Variants in TRPC5 observed in about 807,000 individuals in gnomAD.
TRPC5 encodes short transient receptor potential channel 5.
A neutral mutation model predicts 56.5 loss-of-function variants in TRPC5; 9 were observed. That is an observed-to-expected ratio of 0.16 (90% CI 0.10 to 0.28). The LOEUF is 0.28. Among genes scored for constraint, TRPC5 ranks in the 10% least tolerant of loss-of-function variants. The pLI, the probability that TRPC5 is intolerant of heterozygous loss-of-function variation, is 1.00. For missense variants in TRPC5, 469 were observed against 748.9 expected (o/e 0.63, Z 4.36); for synonymous variants, 282 against 278.5 (o/e 1.01, Z -0.13).
At chrX:111,804,166 T>C (rs913875980) in intron 7 of TRPC5, among the ~76,000 whole-genome samples, 3 of 111,844 alleles carry the variant, frequency 2.7e-5, no homozygotes, top group Non-Finnish European at 3.8e-5. Flanking sequence ...GTTGTAGATG[T>C]GTGGTGTTAT....
At chrX:111,994,017 A>G (rs1443052775) in intron 1 of TRPC5, among the ~76,000 whole-genome samples, 2 of 112,090 alleles carry the variant, frequency 1.8e-5, no homozygotes, top group African/African-American at 6.5e-5. Flanking sequence ...GTTTTCTTCT[A>G]GGGTTTTTAT....
intron 2 of TRPC5, among the ~76,000 whole-genome samples, chrX:111,946,296 C>T (rs1284300957): frequency 8.9e-6 from 1 of 111,942 alleles, no homozygotes; most frequent in Non-Finnish European, 1.9e-5. Flanking sequence ...AGTAGCTTTA[C>T]CCAGGTTCCA....
At chrX:111,856,848 A>C (rs1258523584) in intron 3 of TRPC5, among the ~76,000 whole-genome samples, 1 of 108,179 alleles carries the variant, frequency 9.2e-6, no homozygotes, top group Non-Finnish European at 1.9e-5. Context: ...CATAGGATGA[A>C]CCATTTTAAG....
At chrX:112,035,465 A>T (rs1055852327) in intron 1 of TRPC5, among the ~76,000 whole-genome samples, 6 of 109,256 alleles carry the variant, frequency 5.5e-5, no homozygotes, top group Non-Finnish European at 1.1e-4. Context: ...TCATATATAT[A>T]TATATATATG....
chrX:111,904,292 T>C (rs1057212923), intron 3 of TRPC5, among the ~76,000 whole-genome samples: 1 of 112,413 alleles, frequency 8.9e-6, no homozygotes, highest in African/African-American at 3.2e-5. Flanking sequence ...ACAGAATATA[T>C]GAAATCACGA....
chrX:112,058,185 T>C (rs1602416700), intron 1 of TRPC5, among the ~76,000 whole-genome samples: 1 of 111,762 alleles, frequency 8.9e-6, no homozygotes, highest in Admixed American at 9.6e-5. Context: ...CTCTCCTAAC[T>C]TGGAGCTCGT....
chrX:112,080,552 A>G (rs1930940639), intron 1 of TRPC5, among the ~76,000 whole-genome samples: 1 of 111,588 alleles, frequency 9.0e-6, no homozygotes, highest in Non-Finnish European at 1.9e-5. Context: ...CCTCACAGAG[A>G]GAGCTTCAGA....
intron 7 of TRPC5, among the ~76,000 whole-genome samples, chrX:111,786,775 G>A (rs991606775): frequency 1.8e-5 from 2 of 111,176 alleles, no homozygotes; most frequent in African/African-American, 6.6e-5. Context: ...CCTAGTCTCT[G>A]ATAAAAGAGA....
chrX:111,866,997 G>A (rs760441597), intron 3 of TRPC5, among the ~76,000 whole-genome samples: 5 of 112,049 alleles, frequency 4.5e-5, no homozygotes, highest in South Asian at 3.8e-4. Context: ...GAGGGTCATC[G>A]CAAGAGAGAC....
chrX:111,827,753 T>C (rs758299688), intron 7 of TRPC5, among the ~76,000 whole-genome samples: 1 of 111,769 alleles, frequency 8.9e-6, no homozygotes, highest in Admixed American at 9.5e-5. Flanking sequence ...CACTCTAGTC[T>C]ATTCCCAATC....
intron 3 of TRPC5, among the ~76,000 whole-genome samples, chrX:111,877,123 C>A (rs1923986641): frequency 9.0e-6 from 1 of 111,363 alleles, no homozygotes; most frequent in Non-Finnish European, 1.9e-5. Context: ...TGGCTGGAGG[C>A]AGGTGGACTG....
chrX:111,835,656 C>T (rs1301602954), intron 6 of TRPC5, among the ~76,000 whole-genome samples: 9 of 111,365 alleles, frequency 8.1e-5, no homozygotes, highest in South Asian at 7.5e-4. Flanking sequence ...GGCATGGTGG[C>T]GGGCGCCTGT....
intron 7 of TRPC5, among the ~76,000 whole-genome samples, chrX:111,782,354 T>C (rs990555736): frequency 1.8e-5 from 2 of 111,935 alleles, no homozygotes; most frequent in Non-Finnish European, 3.8e-5. Context: ...CTGTTCACTG[T>C]AGCACAGATA....
intron 2 of TRPC5, among the ~76,000 whole-genome samples, chrX:111,913,573 T>C (rs183725852): frequency 1.4e-4 from 16 of 111,570 alleles, no homozygotes; most frequent in Admixed American, 6.7e-4. Context: ...AAATAGCAGC[T>C]ATAGGTGAAA....
chrX:111,862,671 C>T (rs939571752), intron 3 of TRPC5, among the ~76,000 whole-genome samples: 10 of 111,719 alleles, frequency 9.0e-5, no homozygotes, highest in South Asian at 3.7e-4. Context: ...CCATTTGTCC[C>T]GGCACTATTT....
At chrX:111,826,369 G>T in intron 7 of TRPC5, among the ~76,000 whole-genome samples, 1 of 112,048 alleles carries the variant, frequency 8.9e-6, no homozygotes. Context: ...ATTATCAGCA[G>T]GTGTTCATAG....
intron 1 of TRPC5, among the ~76,000 whole-genome samples, chrX:112,060,982 C>G (rs1930447455): frequency 8.9e-6 from 1 of 112,481 alleles, no homozygotes; most frequent in Admixed American, 9.4e-5. Context: ...CGTCTGGACC[C>G]TCCAACAACT....
intron 6 of TRPC5, among the ~76,000 whole-genome samples, chrX:111,837,616 G>A (rs190485683): frequency 9.0e-6 from 1 of 111,661 alleles, no homozygotes; most frequent in African/African-American, 3.3e-5. Flanking sequence ...TATGTTGGTA[G>A]AGTCTTAGTT....
chrX:111,964,848 C>T (rs373500058), intron 1 of TRPC5, among the ~76,000 whole-genome samples: 14 of 111,759 alleles, frequency 1.3e-4, no homozygotes, highest in East Asian at 1.1e-3. Context: ...AAGGAACAAC[C>T]GGTACCAGCC....
Sources: allele counts gnomAD v4.1 joint callset (sites outside exome capture counted in the v4.1 genomes callset), GRCh38; gene constraint gnomAD v4.1.1; transcripts MANE v1.5; gene names NCBI Gene and HGNC (gene_info 2026-07-23, HGNC 2026-07-21).